CREB5: variants seen among roughly 807,000 people sequenced by gnomAD.
CREB5 encodes the protein cAMP responsive element binding protein 5.
CREB5 carries 19 observed loss-of-function variants against 57.1 expected under a neutral mutation model. That is an observed-to-expected ratio of 0.33 (90% confidence interval 0.23 to 0.49). The LOEUF is 0.49. Ranked by LOEUF, CREB5 falls within the 20% of genes least tolerant of loss-of-function variation. The probability of loss-of-function intolerance (pLI) is 0.99; values close to 1 mark genes in which losing one functional copy is unlikely to be tolerated. For synonymous variants in CREB5, 238 were observed against 238.3 expected, an observed-to-expected ratio of 1.00 and a Z score of 0.01; for missense variants, 579 against 671.6, an observed-to-expected ratio of 0.86 and a Z score of 1.52.
At chr7:28,517,202 T>C in intron 4 of CREB5, among the ~76,000 whole-genome samples, 1 of 152,050 alleles carries the variant, frequency 6.6e-6, no homozygotes, top group East Asian at 1.9e-4. Context: ...AAACTGACAT[T>C]GTAAAAAGAG....
At chr7:28,534,495 C>T (rs556374025) in intron 4 of CREB5, among the ~76,000 whole-genome samples, 13 of 152,308 alleles carry the variant, frequency 8.5e-5, no homozygotes, top group African/African-American at 2.2e-4. Flanking sequence ...CTCCTGTAAT[C>T]GTGGGGCCTC....
chr7:28,328,645 G>A (rs1459533952), intron 1 of CREB5, among the ~76,000 whole-genome samples: 1 of 152,148 alleles, frequency 6.6e-6, no homozygotes, highest in Admixed American at 6.5e-5. Flanking sequence ...TTTAGAGGGC[G>A]TCTGCTATAT....
chr7:28,607,543 G>A (rs1052019131), intron 5 of CREB5, among the ~76,000 whole-genome samples: 9 of 152,082 alleles, frequency 5.9e-5, no homozygotes, highest in African/African-American at 2.2e-4. Flanking sequence ...TTTGCCTTAT[G>A]GATTTGAAAA....
Position 28,682,589 on chromosome 7 carries a change from G to A in CREB5, c.465-36164G>A, listed in dbSNP as rs541340342. Among the ~76,000 whole-genome samples, 13 of 152,022 alleles carry A rather than the reference G, an allele frequency of 8.6e-5. No individual in the cohort carries two copies. The East Asian group carries it at 1.5e-3, about 18-fold the overall frequency. ...ATTATCTGGCCCCTCAAACTCCACC[G>A]GGACTGTAGAAATCTTGGGTTAAAT... On this transcript the variant is annotated intron_variant, in intron 5 of 10. Coordinates refer to ENST00000357727, the MANE Select transcript of CREB5 (RefSeq NM_182898.4).
chr7:28,745,582 G>A (rs181472571), intron 7 of CREB5, among the ~76,000 whole-genome samples: 5 of 152,182 alleles, frequency 3.3e-5, no homozygotes, highest in Admixed American at 6.5e-5. Flanking sequence ...CGGAGCAGGC[G>A]CAGATGCACC....
At chr7:28,370,951 C>T (rs1217708253) in intron 1 of CREB5, among the ~76,000 whole-genome samples, 1 of 152,186 alleles carries the variant, frequency 6.6e-6, no homozygotes, top group African/African-American at 2.4e-5. Context: ...GAGGAAGCCA[C>T]CACTGCAAGG....
At chr7:28,440,977 C>T (rs1789163639) in intron 1 of CREB5, among the ~76,000 whole-genome samples, 1 of 152,126 alleles carries the variant, frequency 6.6e-6, no homozygotes, top group Non-Finnish European at 1.5e-5. Flanking sequence ...AATAAAATCC[C>T]AAATGTATTT....
At chr7:28,681,638 G>A (rs1800599048) in intron 5 of CREB5, among the ~76,000 whole-genome samples, 1 of 152,296 alleles carries the variant, frequency 6.6e-6, no homozygotes, top group African/African-American at 2.4e-5. Flanking sequence ...GGCTGCTGAA[G>A]AAGACAAGCA....
Position 28,451,144 on chromosome 7 carries a change from G to A in CREB5, c.4-37031G>A, listed in dbSNP as rs189274957. On this transcript the variant is annotated intron_variant, in intron 1 of 10. Coordinates refer to ENST00000357727, the MANE Select transcript of CREB5 (RefSeq NM_182898.4). Reference sequence around the variant, plus strand: ...TGTCTATGGAGTGGGTGTGAGGTGCGCAAAGGGAAGTAGAAGTAAAATTAT... The same window carrying A: ...TGTCTATGGAGTGGGTGTGAGGTGCACAAAGGGAAGTAGAAGTAAAATTAT... Among the ~76,000 whole-genome samples, 142 of 152,278 alleles carry A rather than the reference G, an allele frequency of 9.3e-4. 2 individuals are homozygous for A. Among genetic ancestry groups the A allele is most frequent in the Admixed American group, 3.9e-3 (59 of 15,302 alleles).
At chr7:28,658,063 C>T (rs1206329963) in intron 5 of CREB5, among the ~76,000 whole-genome samples, 1 of 152,138 alleles carries the variant, frequency 6.6e-6, no homozygotes, top group African/African-American at 2.4e-5. Flanking sequence ...CCATGAGCAT[C>T]GTTTATTCCA....
intron 7 of CREB5, among the ~76,000 whole-genome samples, chr7:28,747,063 T>C (rs543151729): frequency 6.6e-6 from 1 of 151,786 alleles, no homozygotes; most frequent in Non-Finnish European, 1.5e-5. Context: ...TTCTCAATCA[T>C]TTAGAAAAAC....
At chr7:28,551,573 A>T (rs1794643056) in intron 4 of CREB5, among the ~76,000 whole-genome samples, 1 of 152,252 alleles carries the variant, frequency 6.6e-6, no homozygotes, top group Non-Finnish European at 1.5e-5. Flanking sequence ...AGCATTTTAC[A>T]AATGTTACCC....
At chr7:28,361,717 A>G (rs1344795243) in intron 1 of CREB5, among the ~76,000 whole-genome samples, 2 of 152,142 alleles carry the variant, frequency 1.3e-5, no homozygotes, top group Non-Finnish European at 2.9e-5. Context: ...CACAGCATTC[A>G]ATACATTTCC....
At chr7:28,533,824 T>C (rs1793840210) in intron 4 of CREB5, among the ~76,000 whole-genome samples, 1 of 152,246 alleles carries the variant, frequency 6.6e-6, no homozygotes, top group Non-Finnish European at 1.5e-5. Flanking sequence ...GAATCATCCT[T>C]GTCCTCCTCT....
At chr7:28,735,834 T>G (rs1562605099) in intron 7 of CREB5, among the ~76,000 whole-genome samples, 1 of 152,066 alleles carries the variant, frequency 6.6e-6, no homozygotes, top group Non-Finnish European at 1.5e-5. Context: ...TAATGGAATT[T>G]TGTTCTGTTA....
Position 28,819,100 on chromosome 7 carries a change from T to A in CREB5, c.1364-16T>A. 3 of 1,608,604 alleles carry A rather than the reference T, an allele frequency of 1.9e-6. No individual in the cohort carries two copies. Among genetic ancestry groups the A allele is most frequent in the Non-Finnish European group, 2.5e-6 (3 of 1,177,654 alleles). ...GTGTGTGTATGTGTGTGTGTTGTCTTTTTTTTTCTCCCTAGGTCCAGAGAG... is the reference window on the plus strand; with the variant it reads ...GTGTGTGTATGTGTGTGTGTTGTCTATTTTTTTCTCCCTAGGTCCAGAGAG... On this transcript the variant is annotated splice_polypyrimidine_tract_variant and intron_variant, in intron 10 of 10. Transcript: ENST00000357727.
chr7:28,699,275 AAAAAG>A (rs1244108008), intron 5 of CREB5, among the ~76,000 whole-genome samples: 1 of 152,176 alleles, frequency 6.6e-6, no homozygotes. Flanking sequence ...TGAAAGTGAA[AAAAAG>A]AAAAGAAAGA....
chr7:28,395,222 T>C (rs769116528), intron 1 of CREB5, among the ~76,000 whole-genome samples: 1 of 152,192 alleles, frequency 6.6e-6, no homozygotes, highest in Non-Finnish European at 1.5e-5. Flanking sequence ...TGCAATTAGT[T>C]TGGAGTATTC....
intron 5 of CREB5, among the ~76,000 whole-genome samples, chr7:28,663,075 G>A (rs1250884286): frequency 2.0e-5 from 3 of 151,650 alleles, no homozygotes; most frequent in Non-Finnish European, 4.4e-5. Context: ...AACCTGGGAG[G>A]TGGAGGTTGC....
Sources: gnomAD v4.1 joint callset for allele counts (sites outside exome capture counted in the v4.1 genomes callset) on GRCh38, gnomAD v4.1.1 for gene constraint, MANE v1.5 for transcripts, NCBI Gene and HGNC (gene_info 2026-07-23, HGNC 2026-07-21) for gene names.